LRP2: variants seen among roughly 807,000 people sequenced by gnomAD.
LRP2 encodes the protein LDL receptor related protein 2.
Under a neutral mutation model 531.0 loss-of-function variants are expected in LRP2, and 172 were observed. That is an observed-to-expected ratio of 0.32 (90% CI 0.29 to 0.37). The LOEUF is 0.37. Among genes scored for constraint, LRP2 ranks in the 10% least tolerant of loss-of-function variants. LRP2 has a pLI of 1.00. For missense variants in LRP2, 5,167 were observed against 5,868.3 expected (o/e 0.88, Z 3.90); for synonymous variants, 1,992 against 2,027.6 (o/e 0.98, Z 0.47).
chr2:169,265,219 C>T (rs1156228480), intron 16 of LRP2, among the ~76,000 whole-genome samples: 2 of 152,058 alleles, frequency 1.3e-5, no homozygotes, highest in Non-Finnish European at 2.9e-5. Context: ...CTTCCCCTTA[C>T]CTCATGAAGG....
chr2:169,222,437 C>T lies in LRP2; in HGVS notation c.5539-1874G>A, dbSNP rs762068741. On this transcript the variant is annotated intron_variant, in intron 33 of 78. Transcript: ENST00000649046. ...CAGTGTTGTCCCCAGTCATAAAATG[C>T]ATTTCCATGTTTCAGGGTCTTTATT... 3.2e-4 allele frequency among the ~76,000 whole-genome samples: 49 copies of T among 152,136 alleles called. 1 individual carries two copies. Among genetic ancestry groups the T allele is most frequent in the Admixed American group, 2.0e-4 (3 of 15,272 alleles).
chr2:169,303,317 G>T (rs1475695314), intron 4 of LRP2, among the ~76,000 whole-genome samples: 1 of 152,130 alleles, frequency 6.6e-6, no homozygotes, highest in Non-Finnish European at 1.5e-5. Flanking sequence ...TAAGAGCACA[G>T]GCATATGGTT....
At chr2:169,302,489 T>A (rs1222464661) in intron 4 of LRP2, among the ~76,000 whole-genome samples, 2 of 152,006 alleles carry the variant, frequency 1.3e-5, no homozygotes, top group African/African-American at 4.8e-5. Flanking sequence ...TCCAGAGACA[T>A]TTTGGATTGT....
At chr2:169,341,447 A>C (rs1448618973) in intron 1 of LRP2, among the ~76,000 whole-genome samples, 1 of 152,202 alleles carries the variant, frequency 6.6e-6, no homozygotes, top group African/African-American at 2.4e-5. Flanking sequence ...CCATCAAATA[A>C]GAGTTTCTTC....
At chr2:169,266,518 C>T (rs994603254) in intron 16 of LRP2, among the ~76,000 whole-genome samples, 2 of 151,942 alleles carry the variant, frequency 1.3e-5, no homozygotes, top group African/African-American at 2.4e-5. Flanking sequence ...ACCTTATGAG[C>T]AATATATGAA....
intron 38 of LRP2, among the ~76,000 whole-genome samples, chr2:169,208,340 C>T (rs566059357): frequency 7.9e-5 from 12 of 152,288 alleles, no homozygotes; most frequent in Admixed American, 2.0e-4. Context: ...TATTCAGGAA[C>T]GGGAGTTAGG....
intron 62 of LRP2, among the ~76,000 whole-genome samples, chr2:169,165,488 G>T (rs1368821516): frequency 6.6e-6 from 1 of 152,186 alleles, no homozygotes; most frequent in Non-Finnish European, 1.5e-5. Flanking sequence ...GTTAACACCA[G>T]TGCTGCCTTG....
intron 49 of LRP2, among the ~76,000 whole-genome samples, chr2:169,186,887 A>G (rs1211556326): frequency 6.6e-6 from 1 of 152,226 alleles, no homozygotes; most frequent in Non-Finnish European, 1.5e-5. Flanking sequence ...TTAAAATGCA[A>G]TGGGAATCTA....
intron 23 of LRP2, 27 bp from the exon 24 acceptor site, chr2:169,243,099 A>G (rs1689869234): frequency 1.9e-6 from 3 of 1,541,618 alleles, no homozygotes; most frequent in Non-Finnish European, 1.8e-6. Flanking sequence ...AAAGCATTAG[A>G]AATTAGCTCA....
chr2:169,165,849 C>A, intron 62 of LRP2, 83 bp downstream of exon 62: 1 of 1,554,886 alleles, frequency 6.4e-7, no homozygotes, highest in Non-Finnish European at 8.9e-7. Flanking sequence ...ATAGAACAAA[C>A]TGAAATCCCA....
chr2:169,267,394 T>C (rs900595975), intron 16 of LRP2, among the ~76,000 whole-genome samples: 4 of 152,098 alleles, frequency 2.6e-5, no homozygotes, highest in South Asian at 2.1e-4. Flanking sequence ...ACAGAAATTA[T>C]AACAAACTGT....
intron 34 of LRP2, among the ~76,000 whole-genome samples, chr2:169,218,660 T>C (rs1000228712): frequency 1.3e-5 from 2 of 152,164 alleles, no homozygotes; most frequent in South Asian, 4.1e-4. Flanking sequence ...GTGGACTGCA[T>C]GTCCTTCCGT....
At chr2:169,214,922 T>C (rs970668719) in intron 35 of LRP2, among the ~76,000 whole-genome samples, 1 of 152,104 alleles carries the variant, frequency 6.6e-6, no homozygotes. Context: ...TGAGGATGGA[T>C]TGCAGCATTT....
chr2:169,199,083 G>C (rs1175101152), intron 44 of LRP2, among the ~76,000 whole-genome samples, 172 bp from the exon 45 acceptor site: 1 of 152,174 alleles, frequency 6.6e-6, no homozygotes, highest in African/African-American at 2.4e-5. Context: ...AGATTCTGTA[G>C]TAAAAAAACA....
intron 4 of LRP2, among the ~76,000 whole-genome samples, chr2:169,305,984 G>C (rs987897637): frequency 6.6e-6 from 1 of 151,852 alleles, no homozygotes; most frequent in Non-Finnish European, 1.5e-5. Context: ...TACCATCCAG[G>C]TTTGTTTAAC....
rs201115003 is a variant in LRP2 at position 169,246,908 on chromosome 2, C to T, written c.2987G>A (p.Arg996Gln). Residue 996 changes from arginine to glutamine, a missense_variant, in exon 21 of 79, where the codon CGA becomes CAA. By Grantham distance (43) the Arg-to-Gln change is conservative. Around this residue, in one of 6 missense-constraint regions of LRP2, gnomAD observed 2,811 missense variants for 3,058.0 expected, o/e 0.92. Transcript: ENST00000649046. ...CATTCCATAAGGGCACCCACACACT[C>T]GCTGGAAATTTGGCACCGGGAAGCA... ...HFCFPVPNFQ[R>Q]VCGCPYGMRL... The T allele has an allele frequency of 6.5e-5, 105 of 1,614,164 alleles. No individual in the cohort carries two copies. In the East Asian group the frequency reaches 1.8e-3, roughly 27 times the overall value.
intron 3 of LRP2, among the ~76,000 whole-genome samples, chr2:169,309,491 C>A (rs1311481603): frequency 6.6e-6 from 1 of 152,116 alleles, no homozygotes; most frequent in African/African-American, 2.4e-5. Context: ...ATCCTTTTCC[C>A]GTTTCTTGTT....
chr2:169,350,371 T>A (rs1685814579), intron 1 of LRP2, among the ~76,000 whole-genome samples: 1 of 151,988 alleles, frequency 6.6e-6, no homozygotes, highest in Admixed American at 6.6e-5. Context: ...GTGGTCTGGA[T>A]TAGATTCATA....
intron 31 of LRP2, among the ~76,000 whole-genome samples, chr2:169,230,125 A>T (rs1007894453): frequency 2.0e-5 from 3 of 152,214 alleles, no homozygotes; most frequent in Admixed American, 2.0e-4. Context: ...TAAAATTAAC[A>T]CTTATCAATC....
Sources: gnomAD v4.1 joint callset for allele counts (sites outside exome capture counted in the v4.1 genomes callset) on GRCh38, gnomAD v4.1.1 for gene constraint, gnomAD v4.1.1 regional missense constraint, MANE v1.5 for transcripts, NCBI Gene and HGNC (gene_info 2026-07-23, HGNC 2026-07-21) for gene names.